The following DNAH3 variants were observed in gnomAD, a reference collection of about 807,000 sequenced individuals.
DNAH3 encodes axonemal beta dynein heavy chain 3.
A neutral mutation model predicts 432.5 loss-of-function variants in DNAH3; 332 were observed. The ratio of observed to expected loss-of-function variants is 0.77; its 90% CI spans 0.70 to 0.84. The LOEUF (loss-of-function observed/expected upper bound fraction) is 0.84. DNAH3 is among the 40% of genes least tolerant of loss of function. DNAH3 has a pLI of 0.00. For missense variants in DNAH3, 4,861 were observed against 5,114.0 expected, an observed-to-expected ratio of 0.95 and a Z score of 1.51; for synonymous variants, 1,956 against 1,900.2, an observed-to-expected ratio of 1.03 and a Z score of -0.76.
chr16:20,956,621 T>C (rs183276177), intron 54 of DNAH3, among the ~76,000 whole-genome samples: 193 of 152,340 alleles, frequency 1.3e-3, no homozygotes, highest in Non-Finnish European at 1.9e-3. Context: ...GAGTGTGTCA[T>C]TAATGGCCAA....
chr16:20,948,027 CA>C (rs1200095919), intron 57 of DNAH3, among the ~76,000 whole-genome samples: 1 of 152,212 alleles, frequency 6.6e-6, no homozygotes, highest in Admixed American at 6.5e-5. Flanking sequence ...CCACCCGCCT[CA>C]GCCTCCCAAA....
intron 28 of DNAH3, 37 bp from the exon 29 acceptor site, chr16:21,051,905 C>G: frequency 6.4e-7 from 1 of 1,571,198 alleles, no homozygotes; most frequent in Non-Finnish European, 8.8e-7. Context: ...GCACACAGAG[C>G]CATCAGAACT....
chr16:20,988,173 C>T lies in DNAH3; in HGVS notation c.6602-108G>A, dbSNP rs73534347. The stretch of plus-strand genomic sequence containing the variant: ...GGCTTTGCCTTCTGCCTTCATGTTC[C>T]AGAGCTGTGCTGTGCAATATGGCAA... On this transcript the variant is annotated intron_variant, in intron 44 of 61. Transcript: ENST00000261383. The T allele has an allele frequency of 4.1e-4, 596 of 1,454,638 alleles. 3 individuals are homozygous for T. In the African/African-American group the frequency reaches 6.9e-3, roughly 17 times the overall value. 90.1% of individuals were successfully genotyped at this position (1,454,638 alleles called of 1,614,324 possible).
intron 21 of DNAH3, among the ~76,000 whole-genome samples, chr16:21,074,150 C>T (rs1303450673): frequency 6.6e-6 from 1 of 152,128 alleles, no homozygotes; most frequent in Admixed American, 6.5e-5. Context: ...TTCACCCCTA[C>T]AGCTCTTCCT....
At chr16:21,085,576 T>A (rs2091340669) in intron 19 of DNAH3, among the ~76,000 whole-genome samples, 1 of 148,068 alleles carries the variant, frequency 6.8e-6, no homozygotes, top group Non-Finnish European at 1.5e-5. Context: ...TCAGACAGCC[T>A]ATCTCTTGTC....
At chr16:21,148,957 G>A (rs919260469) in intron 1 of DNAH3, among the ~76,000 whole-genome samples, 3 of 152,282 alleles carry the variant, frequency 2.0e-5, no homozygotes, top group African/African-American at 7.2e-5. Flanking sequence ...TTGGCCAGCC[G>A]TGGTAGCTAA....
intron 55 of DNAH3, 78 bp downstream of exon 55, chr16:20,954,735 A>T: frequency 6.6e-7 from 1 of 1,520,204 alleles, no homozygotes; most frequent in South Asian, 1.3e-5. Context: ...CGCAAGCTTA[A>T]ACACGCACCT....
At chr16:21,033,203 T>G (rs974360471) in intron 36 of DNAH3, among the ~76,000 whole-genome samples, 2 of 151,696 alleles carry the variant, frequency 1.3e-5, no homozygotes, top group Non-Finnish European at 2.9e-5. Flanking sequence ...AAACATAACC[T>G]CAAAAACCCA....
chr16:20,997,063 T>C (rs1420476883), intron 44 of DNAH3: 4 of 509,132 alleles, frequency 7.9e-6, no homozygotes, highest in African/African-American at 7.6e-5. Context: ...TCTGTTTCTC[T>C]AGGGCCTAGC....
intron 43 of DNAH3, among the ~76,000 whole-genome samples, 184 bp from the exon 44 acceptor site, chr16:20,997,646 T>C (rs2086820346): frequency 6.6e-6 from 1 of 152,034 alleles, no homozygotes; most frequent in Non-Finnish European, 1.5e-5. Context: ...AGTTCTGGGC[T>C]CTCCTGCCTC....
At chr16:21,054,329 T>G in intron 28 of DNAH3, 91 bp downstream of exon 28, 1 of 997,852 alleles carries the variant, frequency 1.0e-6, no homozygotes, top group South Asian at 1.5e-5. Flanking sequence ...AAGGAAACCC[T>G]GAATTATTCC....
chr16:20,972,135 A>G (rs2085368503), intron 51 of DNAH3, among the ~76,000 whole-genome samples: 1 of 151,934 alleles, frequency 6.6e-6, no homozygotes, highest in South Asian at 2.1e-4. Context: ...GATGAGTGCA[A>G]CCCGGGAGGG....
chr16:20,956,437 G>A (rs1367268191), intron 54 of DNAH3, among the ~76,000 whole-genome samples: 1 of 152,104 alleles, frequency 6.6e-6, no homozygotes, highest in Non-Finnish European at 1.5e-5. Context: ...CTACCCATGA[G>A]GATTGTTGCT....
At chr16:21,052,677 C>T (rs1010773707) in intron 28 of DNAH3, among the ~76,000 whole-genome samples, 1 of 152,210 alleles carries the variant, frequency 6.6e-6, no homozygotes. Flanking sequence ...CTGTCCTTGG[C>T]ATATGAAAAT....
Position 21,031,025 on chromosome 16 carries a change from A to C in DNAH3, c.5439+20T>G. On this transcript the variant is annotated intron_variant, in intron 37 of 61. Coordinates refer to ENST00000261383, the Ensembl canonical transcript of DNAH3. ...TTTATGTCTCACTCATGGAAAAGTC[A>C]TATCAGGGTCAATACTTACCTTTTT... 3 of 1,612,964 alleles carry C rather than the reference A, an allele frequency of 1.9e-6. No homozygotes were observed. The highest frequency in any genetic ancestry group is 2.5e-6 in the Non-Finnish European group (3 of 1,179,166).
At chr16:20,955,720 T>C (rs923653761) in intron 54 of DNAH3, among the ~76,000 whole-genome samples, 1 of 152,154 alleles carries the variant, frequency 6.6e-6, no homozygotes, top group African/African-American at 2.4e-5. Flanking sequence ...GCCTGTCATA[T>C]AAGAAATGGC....
At chr16:21,070,243 G>A (rs2090730895) in intron 22 of DNAH3, among the ~76,000 whole-genome samples, 1 of 152,132 alleles carries the variant, frequency 6.6e-6, no homozygotes, top group Non-Finnish European at 1.5e-5. Context: ...TGCTTTCTTG[G>A]ATGGTTATTG....
In DNAH3 at chr16:20,955,060, G is replaced by A. The variant is rs1296336033; in HGVS notation, c.10827-3C>T. 1 of 1,600,968 alleles carries A rather than the reference G, an allele frequency of 6.2e-7. No individual in the cohort carries two copies. The highest frequency in any genetic ancestry group is 8.5e-7 in the Non-Finnish European group (1 of 1,171,764). On this transcript the variant is annotated splice_polypyrimidine_tract_variant and splice_region_variant and intron_variant, in intron 54 of 61. Transcript: ENST00000261383. The stretch of plus-strand genomic sequence containing the variant: ...ATGGATAGCTGGTTAGCCAGAGTCT[G>A]GAAGAACAATGGACCCAACGTTTTA...
chr16:21,070,568 C>T, intron 22 of DNAH3, 142 bp downstream of exon 22: 1 of 604,900 alleles, frequency 1.7e-6, no homozygotes, highest in East Asian at 3.0e-5. Context: ...CAGGTGTGAG[C>T]CACTGTATCA....
Sources: allele counts gnomAD v4.1 joint callset (sites outside exome capture counted in the v4.1 genomes callset), GRCh38; gene constraint gnomAD v4.1.1; transcripts MANE v1.5; gene names NCBI Gene and HGNC (gene_info 2026-07-23, HGNC 2026-07-21).